GALNT14: variants seen among roughly 807,000 people sequenced by gnomAD.
GALNT14 encodes UDP-GalNAc:polypeptide N-acetylgalactosaminyltransferase 14.
GALNT14 carries 60 observed loss-of-function variants against 77.5 expected under a neutral mutation model. The ratio of observed to expected loss-of-function variants is 0.77; its 90% CI spans 0.63 to 0.96. GALNT14 has a LOEUF of 0.96. Ranked by LOEUF, GALNT14 falls within the 40% of genes least tolerant of loss-of-function variation. GALNT14 has a pLI of 0.00. For missense variants in GALNT14, 710 were observed against 731.0 expected (o/e 0.97, Z 0.33); for synonymous variants, 280 against 281.7 (o/e 0.99, Z 0.06).
intron 11 of GALNT14, among the ~76,000 whole-genome samples, chr2:30,926,232 A>C (rs978932398): frequency 2.6e-5 from 4 of 152,214 alleles, no homozygotes; most frequent in African/African-American, 9.7e-5. Flanking sequence ...GTGCAGTGTT[A>C]CCAAGACTTG....
chr2:31,003,316 C>T (rs570645254), intron 1 of GALNT14, among the ~76,000 whole-genome samples: 6 of 152,330 alleles, frequency 3.9e-5, no homozygotes, highest in African/African-American at 1.4e-4. Context: ...GGCAATTTCT[C>T]GCACCAAATG....
At chr2:31,057,830 C>T (rs2148533923) in intron 1 of GALNT14, among the ~76,000 whole-genome samples, 1 of 152,260 alleles carries the variant, frequency 6.6e-6, no homozygotes, top group Middle Eastern at 3.4e-3. Context: ...TAACCCATCC[C>T]CTGGCCTCTC....
At chr2:30,993,062 C>T in intron 1 of GALNT14, 55 bp from the exon 2 acceptor site, 2 of 1,580,516 alleles carry the variant, frequency 1.3e-6, no homozygotes, top group South Asian at 2.3e-5. Flanking sequence ...TCCACTAGCC[C>T]CCGTCTGCCT....
At chr2:30,989,433 T>A (rs1016733511) in intron 2 of GALNT14, among the ~76,000 whole-genome samples, 2 of 151,420 alleles carry the variant, frequency 1.3e-5, no homozygotes, top group Non-Finnish European at 2.9e-5. Flanking sequence ...TGCCTGATCA[T>A]CTTGAGTTTT....
intron 1 of GALNT14, among the ~76,000 whole-genome samples, chr2:31,036,525 T>C (rs1219436368): frequency 6.6e-6 from 1 of 152,198 alleles, no homozygotes; most frequent in East Asian, 1.9e-4. Flanking sequence ...TTAAGTTAGA[T>C]AGGAAAAGCG....
chr2:30,912,382 G>A (rs1470872282), intron 13 of GALNT14, 40 bp from the exon 14 acceptor site: 14 of 1,609,080 alleles, frequency 8.7e-6, no homozygotes, highest in South Asian at 1.1e-5. Flanking sequence ...TCAGGATCCA[G>A]GAAGCCACCA....
chr2:30,933,377 G>T (rs1665861855), intron 9 of GALNT14, among the ~76,000 whole-genome samples: 1 of 152,162 alleles, frequency 6.6e-6, no homozygotes, highest in Admixed American at 6.5e-5. Context: ...GGGGAAGCAG[G>T]CTGGGTGTTC....
chr2:31,082,012 T>C (rs1368891816), intron 1 of GALNT14, among the ~76,000 whole-genome samples: 1 of 152,234 alleles, frequency 6.6e-6, no homozygotes, highest in African/African-American at 2.4e-5. Flanking sequence ...AAAAGAGTTG[T>C]GTTGCCTATG....
rs531125279 is a variant in GALNT14, at chr2:31,020,520, G to A, written c.130-27513C>T. 8.5e-5 allele frequency among the ~76,000 whole-genome samples: 13 copies of A among 152,164 alleles called. 1 individual carries two copies. The highest frequency in any genetic ancestry group is 3.9e-4 in the East Asian group (2 of 5,170). The stretch of plus-strand genomic sequence containing the variant: ...AAGGCTAAAATTCAAGATGGCCTCC[G>A]GAATCACATAAGGATGGGCTTATCT... On this transcript the variant is annotated intron_variant, in intron 1 of 14. Transcript: ENST00000349752.
chr2:30,900,171 T>C, the GALNT14 span, among the ~76,000 whole-genome samples: 2 of 152,192 alleles, frequency 1.3e-5, no homozygotes, highest in African/African-American at 2.4e-5. Flanking sequence ...TGAATCTGCC[T>C]GAGATTCATG....
At chr2:31,026,343 C>A (rs570411158) in intron 1 of GALNT14, among the ~76,000 whole-genome samples, 1 of 152,186 alleles carries the variant, frequency 6.6e-6, no homozygotes, top group Non-Finnish European at 1.5e-5. Flanking sequence ...AGTCTTAGCA[C>A]GAGGATGCTC....
chr2:31,018,676 G>T (rs971325566), intron 1 of GALNT14, among the ~76,000 whole-genome samples: 1 of 152,118 alleles, frequency 6.6e-6, no homozygotes, highest in Admixed American at 6.5e-5. Context: ...TATTTTTAAG[G>T]TATTTGACAA....
chr2:31,067,689 G>A (rs1203610990), intron 1 of GALNT14, among the ~76,000 whole-genome samples: 1 of 152,158 alleles, frequency 6.6e-6, no homozygotes, highest in African/African-American at 2.4e-5. Context: ...AACTTGCACA[G>A]CAAAAATAAA....
chr2:30,935,818 AG>A (rs1240529043), intron 9 of GALNT14, among the ~76,000 whole-genome samples: 1 of 152,126 alleles, frequency 6.6e-6, no homozygotes, highest in Non-Finnish European at 1.5e-5. Context: ...GGTCCTGTGA[AG>A]GGGGCTTGGA....
At chr2:31,092,378 C>T (rs1676792567) in intron 1 of GALNT14, among the ~76,000 whole-genome samples, 1 of 152,026 alleles carries the variant, frequency 6.6e-6, no homozygotes, top group African/African-American at 2.4e-5. Context: ...ACCCTCATGA[C>T]TCATCACCTA....
At chr2:30,951,912 G>T (rs1573022937) in intron 6 of GALNT14, among the ~76,000 whole-genome samples, 1 of 152,180 alleles carries the variant, frequency 6.6e-6, no homozygotes, top group African/African-American at 2.4e-5. Flanking sequence ...AGAGGGTAAG[G>T]GGTCTGGTCA....
At chr2:30,978,325 T>C (rs534459490) in intron 2 of GALNT14, among the ~76,000 whole-genome samples, 21 of 152,350 alleles carry the variant, frequency 1.4e-4, no homozygotes, top group African/African-American at 5.0e-4. Context: ...TCTAAATCAC[T>C]GTGCCATCTT....
At chr2:30,927,800 G>C (rs1211477176) in intron 11 of GALNT14, among the ~76,000 whole-genome samples, 1 of 152,216 alleles carries the variant, frequency 6.6e-6, no homozygotes, top group East Asian at 1.9e-4. Flanking sequence ...AGAGGCAGCA[G>C]GGCCAGTGGG....
intron 1 of GALNT14, among the ~76,000 whole-genome samples, chr2:31,121,805 T>C (rs1678428034): frequency 6.6e-6 from 1 of 152,064 alleles, no homozygotes; most frequent in Non-Finnish European, 1.5e-5. Flanking sequence ...GCTAGGATAA[T>C]GGGATATTTG....
Sources: allele counts gnomAD v4.1 joint callset (sites outside exome capture counted in the v4.1 genomes callset), GRCh38; gene constraint gnomAD v4.1.1; transcripts MANE v1.5; gene names NCBI Gene and HGNC (gene_info 2026-07-23, HGNC 2026-07-21).